The following GMDS variants were observed in gnomAD, a reference collection of about 807,000 sequenced individuals.
GMDS encodes the protein GDP-mannose 4,6-dehydratase.
In GMDS, 20 loss-of-function variants were observed where a neutral mutation model predicts 49.9. The observed-to-expected ratio is 0.40, with a 90% confidence interval of 0.28 to 0.58. The LOEUF is 0.58. GMDS is among the 20% of genes least tolerant of loss of function. GMDS has a pLI of 0.42. For synonymous variants in GMDS, 177 were observed against 178.6 expected, an observed-to-expected ratio of 0.99 and a Z score of 0.07; for missense variants, 362 against 481.4, an observed-to-expected ratio of 0.75 and a Z score of 2.32.
chr6:2,164,285 T>C (rs918254947), intron 1 of GMDS, among the ~76,000 whole-genome samples: 1 of 152,212 alleles, frequency 6.6e-6, no homozygotes, highest in Non-Finnish European at 1.5e-5. Context: ...TCTGTCTGTA[T>C]AGGTTAGAAA....
rs184064398 is a variant in GMDS, at chr6:1,871,768, C to T, written c.771+58335G>A. Among the ~76,000 whole-genome samples the T allele has an allele frequency of 3.9e-5, 6 of 152,288 alleles. No individual in the cohort carries two copies. In the East Asian group the frequency reaches 5.8e-4, roughly 15 times the overall value. On this transcript the variant is annotated intron_variant, in intron 7 of 10. Transcript: ENST00000380815. ...AGGATTTTTTAAAAACAGTTACAAA[C>T]GGCTCAATTATTTTCCTGTTACTCA... is the stretch of plus-strand genomic sequence containing the variant.
At chr6:2,085,458 C>T (rs1435393338) in intron 4 of GMDS, among the ~76,000 whole-genome samples, 3 of 152,172 alleles carry the variant, frequency 2.0e-5, no homozygotes, top group Admixed American at 6.5e-5. Flanking sequence ...TTACCTTACA[C>T]ATTTAGCAGT....
At chr6:2,008,481 C>T (rs1314339032) in intron 4 of GMDS, among the ~76,000 whole-genome samples, 1 of 152,086 alleles carries the variant, frequency 6.6e-6, no homozygotes, top group African/African-American at 2.4e-5. Context: ...AGCAGTGTGT[C>T]CCTTGGCTGC....
chr6:2,069,061 A>G (rs1771810115), intron 4 of GMDS, among the ~76,000 whole-genome samples: 2 of 152,226 alleles, frequency 1.3e-5, no homozygotes, highest in Non-Finnish European at 2.9e-5. Flanking sequence ...ACTGGTACCA[A>G]AACAGAGATA....
intron 7 of GMDS, among the ~76,000 whole-genome samples, chr6:1,898,773 A>T (rs775531490): frequency 2.0e-5 from 3 of 152,222 alleles, no homozygotes; most frequent in Non-Finnish European, 2.9e-5. Flanking sequence ...AGGTGCTGTG[A>T]GAATCAAATC....
At chr6:2,092,841 T>C (rs1773397990) in intron 4 of GMDS, among the ~76,000 whole-genome samples, 1 of 152,210 alleles carries the variant, frequency 6.6e-6, no homozygotes, top group African/African-American at 2.4e-5. Flanking sequence ...TTGGACATTT[T>C]AGATATCCAA....
At chr6:2,166,052 G>A (rs936529504) in intron 1 of GMDS, among the ~76,000 whole-genome samples, 1 of 152,148 alleles carries the variant, frequency 6.6e-6, no homozygotes, top group East Asian at 1.9e-4. Context: ...CTAAATGGAT[G>A]ACAGACTGGG....
intron 1 of GMDS, among the ~76,000 whole-genome samples, chr6:2,173,182 C>G (rs950056267): frequency 1.3e-5 from 2 of 152,074 alleles, no homozygotes; most frequent in African/African-American, 4.8e-5. Context: ...GAAATATAAT[C>G]AGATACAGTC....
Position 1,883,766 on chromosome 6 carries a change from T to C in GMDS, c.771+46337A>G, listed in dbSNP as rs3800118. Among the ~76,000 whole-genome samples the C allele has an allele frequency of 5.9e-4, 90 of 152,290 alleles. 1 individual carries two copies. In the East Asian group the frequency reaches 0.015, roughly 25 times the overall value. ...TGCTGAGCCAAGCAATGAAAAAGCT[T>C]CACCATTAAAACATGAATATTTAAA... is the stretch of plus-strand genomic sequence containing the variant. On this transcript the variant is annotated intron_variant, in intron 7 of 10. Coordinates refer to ENST00000380815, the MANE Select transcript of GMDS (RefSeq NM_001500.4).
chr6:2,059,351 G>T (rs1770982642), intron 4 of GMDS, among the ~76,000 whole-genome samples: 1 of 151,754 alleles, frequency 6.6e-6, no homozygotes, highest in African/African-American at 2.4e-5. Flanking sequence ...TTTGCCTACA[G>T]AGCTCATTAT....
At chr6:1,774,397 T>C (rs939948888) in intron 7 of GMDS, among the ~76,000 whole-genome samples, 6 of 152,216 alleles carry the variant, frequency 3.9e-5, no homozygotes, top group Admixed American at 6.5e-5. Context: ...ATATGGAGTA[T>C]ATCCCACAAG....
intron 9 of GMDS, among the ~76,000 whole-genome samples, chr6:1,680,599 C>T (rs544389811): frequency 2.5e-4 from 38 of 152,248 alleles, no homozygotes; most frequent in East Asian, 3.9e-4. Context: ...GGCCAGGACA[C>T]GCAAGGTCAT....
chr6:1,804,159 C>T (rs911056277), intron 7 of GMDS, among the ~76,000 whole-genome samples: 4 of 152,190 alleles, frequency 2.6e-5, no homozygotes, highest in Non-Finnish European at 5.9e-5. Flanking sequence ...GCGCTGTTTC[C>T]TTTTTGTCTT....
intron 4 of GMDS, among the ~76,000 whole-genome samples, chr6:2,055,463 C>T (rs1264417291): frequency 6.6e-6 from 1 of 152,130 alleles, no homozygotes; most frequent in Non-Finnish European, 1.5e-5. Flanking sequence ...TACTATATGA[C>T]ATTCACAGTC....
At chr6:1,781,974 G>A (rs911313366) in intron 7 of GMDS, among the ~76,000 whole-genome samples, 11 of 151,950 alleles carry the variant, frequency 7.2e-5, no homozygotes, top group South Asian at 2.1e-4. Flanking sequence ...ACACCTCGCC[G>A]CCAAGTTCAA....
intron 7 of GMDS, among the ~76,000 whole-genome samples, chr6:1,812,144 G>A (rs1482403815): frequency 6.6e-6 from 1 of 152,152 alleles, no homozygotes; most frequent in Non-Finnish European, 1.5e-5. Flanking sequence ...AGGTAGATTG[G>A]CGCAAAACTC....
At chr6:1,779,849 C>T (rs1311388257) in intron 7 of GMDS, among the ~76,000 whole-genome samples, 3 of 152,200 alleles carry the variant, frequency 2.0e-5, no homozygotes, top group Non-Finnish European at 4.4e-5. Context: ...GGAAGTCGGC[C>T]CTGTGACTGT....
At chr6:1,957,928 G>A (rs957881557) in intron 6 of GMDS, among the ~76,000 whole-genome samples, 7 of 151,686 alleles carry the variant, frequency 4.6e-5, no homozygotes, top group African/African-American at 7.3e-5. Flanking sequence ...TCAGCTTCCC[G>A]AGTAGCTAGG....
intron 1 of GMDS, among the ~76,000 whole-genome samples, chr6:2,171,839 A>G (rs892729129): frequency 6.6e-6 from 1 of 152,038 alleles, no homozygotes; most frequent in East Asian, 1.9e-4. Context: ...AAAAGATAAT[A>G]GGATAATGTA....
Sources: gnomAD v4.1 joint callset for allele counts (sites outside exome capture counted in the v4.1 genomes callset) on GRCh38, gnomAD v4.1.1 for gene constraint, MANE v1.5 for transcripts, NCBI Gene and HGNC (gene_info 2026-07-23, HGNC 2026-07-21) for gene names.